The following UBN2 variants were observed in gnomAD, a reference collection of about 807,000 sequenced individuals.
The protein encoded by UBN2 is ubinuclein 2.
A neutral mutation model predicts 120.2 loss-of-function variants in UBN2; 35 were observed. That is an observed-to-expected ratio of 0.29 (90% CI 0.22 to 0.39). The LOEUF (loss-of-function observed/expected upper bound fraction) is 0.39, where lower values mean the gene tolerates loss of function less well. Among genes scored for constraint, UBN2 ranks in the 10% least tolerant of loss-of-function variants. The probability of loss-of-function intolerance (pLI) is 1.00; values close to 1 mark genes in which losing one functional copy is unlikely to be tolerated. For missense variants in UBN2, 1,693 were observed against 1,663.2 expected (o/e 1.02, Z -0.31); for synonymous variants, 661 against 648.7 (o/e 1.02, Z -0.29).
intron 3 of UBN2, among the ~76,000 whole-genome samples, chr7:139,252,869 T>C (rs1242365442): frequency 6.6e-6 from 1 of 152,212 alleles, no homozygotes; most frequent in Non-Finnish European, 1.5e-5. Context: ...AGAATATTAG[T>C]ACACTTGTCT....
chr7:139,283,969 A>T lies in UBN2; in HGVS notation c.3064A>T (p.Ile1022Phe), dbSNP rs1189635719. 2.5e-6 allele frequency: 4 copies of T among 1,613,562 alleles called. No individual in the cohort carries two copies. Among genetic ancestry groups the T allele is most frequent in the Admixed American group, 3.3e-5 (2 of 59,930 alleles). ...TTTAGCCAAGGCTATGGTGTCACAGATCTCCACGCAGGGTTTCAAATCTCC... is the reference window on the plus strand; with the variant it reads ...TTTAGCCAAGGCTATGGTGTCACAGTTCTCCACGCAGGGTTTCAAATCTCC... ...NYLAKAMVSQISTQGFKSPFS... is the reference protein window; with the variant it reads ...NYLAKAMVSQFSTQGFKSPFS... The change falls in exon 15 of 18, where the codon ATC becomes TTC. Residue 1022 changes from isoleucine to phenylalanine, a missense_variant. Ile to Phe is a conservative substitution (Grantham distance 21). Around this residue, in one of 5 missense-constraint regions of UBN2, gnomAD observed 837 missense variants for 817.6 expected, o/e 1.02. Transcript: ENST00000473989.
the UBN2 span, among the ~76,000 whole-genome samples, chr7:139,322,881 C>T: frequency 3.3e-5 from 5 of 152,132 alleles, no homozygotes; most frequent in African/African-American, 1.2e-4. Context: ...CCTTCTGTGT[C>T]CTGGAAAGGC....
At chr7:139,258,167 G>A (rs1008417344) in intron 3 of UBN2, among the ~76,000 whole-genome samples, 2 of 152,180 alleles carry the variant, frequency 1.3e-5, no homozygotes, top group African/African-American at 4.8e-5. Context: ...TTTCTCATCA[G>A]AACCATTTGT....
At chr7:139,236,175 A>C (rs2130925976) in intron 1 of UBN2, among the ~76,000 whole-genome samples, 1 of 152,250 alleles carries the variant, frequency 6.6e-6, no homozygotes, top group South Asian at 2.1e-4. Flanking sequence ...TGTTTTGTTA[A>C]ATAGATGGTT....
chr7:139,246,541 C>G (rs1359611755), intron 2 of UBN2, among the ~76,000 whole-genome samples: 2 of 152,186 alleles, frequency 1.3e-5, no homozygotes, highest in East Asian at 3.8e-4. Flanking sequence ...TTATGAGAGA[C>G]TTTTGAAATA....
chr7:139,304,739 GTC>G lies in UBN2; in HGVS notation c.*6905_*6906del. The G allele has an allele frequency of 6.6e-6, 1 of 151,986 alleles. No homozygotes were observed. The highest frequency in any genetic ancestry group is 1.5e-5 in the Non-Finnish European group (1 of 68,082). 9.4% of individuals were successfully genotyped at this position (151,986 alleles called of 1,614,324 possible). A position where few individuals can be genotyped will look rare whatever the true frequency, so the allele number is the denominator to read the frequency against. On this transcript the variant is annotated 3_prime_UTR_variant, in exon 18 of 18. Coordinates refer to ENST00000473989, the MANE Select transcript of UBN2 (RefSeq NM_173569.4). ...TGTGTGTGTGTGTGTGTGTGTGTGTGTCTGTAAGTCACTTTTTGGATTTTTGT... is the reference window on the plus strand; with the variant it reads ...TGTGTGTGTGTGTGTGTGTGTGTGTGTGTAAGTCACTTTTTGGATTTTTGT...
In UBN2 at chr7:139,293,272, T is replaced by C; in HGVS notation, c.3710T>C (p.Leu1237Pro). The change falls in exon 16 of 18, where the codon CTG (leucine) becomes CCG (proline). Residue 1237 changes from leucine (L) to proline (P), a missense_variant. By Grantham distance (98) the Leu-to-Pro change is moderately conservative (BLOSUM62 -3). Transcript: ENST00000473989. ...TCATTATTGGCTAATGCCTCACCTC[T>C]GACTCTCATGACATCACCTTTGTCT... ...GASLLANASP[L>P]TLMTSPLSVT... 6.2e-7 allele frequency: 1 copy of C among 1,614,256 alleles called. No homozygotes were observed. Among genetic ancestry groups the C allele is most frequent in the Non-Finnish European group, 8.5e-7 (1 of 1,180,038 alleles).
chr7:139,309,457 C>G (rs145047262), downstream of UBN2, among the ~76,000 whole-genome samples: 1 of 152,108 alleles, frequency 6.6e-6, no homozygotes, highest in Non-Finnish European at 1.5e-5. Context: ...TTTGCCAAAA[C>G]GAGAAAACCC....
At chr7:139,286,257 T>G (rs1428995560) in intron 15 of UBN2, among the ~76,000 whole-genome samples, 1 of 151,916 alleles carries the variant, frequency 6.6e-6, no homozygotes, top group Non-Finnish European at 1.5e-5. Context: ...AGAGATGGGG[T>G]TTTACCATGT....
chr7:139,252,690 T>G (rs149585618), intron 3 of UBN2, among the ~76,000 whole-genome samples: 15 of 152,134 alleles, frequency 9.9e-5, no homozygotes, highest in Non-Finnish European at 1.6e-4. Flanking sequence ...AAAGAATCTC[T>G]TGGGATTCTC....
chr7:139,275,706 C>G (rs1302990936), intron 11 of UBN2, among the ~76,000 whole-genome samples: 1 of 152,178 alleles, frequency 6.6e-6, no homozygotes, highest in Non-Finnish European at 1.5e-5. Context: ...TAGCTCACCC[C>G]TATAATCTCA....
rs977845975 is a variant in UBN2 at position 139,231,608 on chromosome 7, C to T, written c.124C>T (p.Pro42Ser). 8.1e-6 allele frequency: 11 copies of T among 1,355,034 alleles called. No individual in the cohort carries two copies. In the African/African-American group the frequency reaches 1.2e-4, roughly 15 times the overall value. The allele number at this position is 1,355,034 out of a possible 1,614,324, so 83.9% of individuals were successfully genotyped here. ...PREPPRLEPQ[P>S]YREPARAEPP... ...CGAGCCCCCCCGGCTGGAGCCGCAG[C>T]CGTACCGCGAGCCGGCCCGGGCGGA... The change falls in exon 1 of 18, where the codon CCG becomes TCG. Residue 42 changes from proline to serine, a missense_variant. Coordinates refer to ENST00000473989, the MANE Select transcript of UBN2 (RefSeq NM_173569.4).
Position 139,231,769 on chromosome 7 carries a change from G to A in UBN2, c.285G>A (p.Pro95=). 8.0e-7 allele frequency: 1 copy of A among 1,254,582 alleles called. No homozygotes were observed. Among genetic ancestry groups the A allele is most frequent in the East Asian group, 3.4e-5 (1 of 29,432 alleles). 77.7% of individuals were successfully genotyped at this position (1,254,582 alleles called of 1,614,324 possible). A position where few individuals can be genotyped will look rare whatever the true frequency, so the allele number is the denominator to read the frequency against. Residue 95 remains proline, a synonymous_variant, in exon 1 of 18, where the codon CCG becomes CCA. Transcript: ENST00000473989. ...AGCGGGAGCCCCCGCGGCCCGAGCC[G>A]CCGCCGCCGTTCCCGCCGCTGCCCT... ...SLQREPPRPE[P]PPPFPPLPLQ...
chr7:139,259,226 T>C lies in UBN2; in HGVS notation c.802-41T>C, dbSNP rs750185677. 23 of 1,604,850 alleles carry C rather than the reference T, an allele frequency of 1.4e-5. No homozygotes were observed. In the African/African-American group the frequency reaches 2.2e-4, roughly 15 times the overall value. On this transcript the variant is annotated intron_variant, in intron 4 of 17. Coordinates refer to ENST00000473989, the MANE Select transcript of UBN2 (RefSeq NM_173569.4). Reference sequence around the variant, plus strand: ...ATTGCTAACATCAAAGAGTAAAGCATTGTTACTTACATAAATGATCATTCT... The same window carrying C: ...ATTGCTAACATCAAAGAGTAAAGCACTGTTACTTACATAAATGATCATTCT...
chr7:139,322,293 A>G, the UBN2 span, among the ~76,000 whole-genome samples: 1 of 152,112 alleles, frequency 6.6e-6, no homozygotes, highest in Non-Finnish European at 1.5e-5. Flanking sequence ...TTTTAAGTAA[A>G]ATAAACAAAC....
chr7:139,282,119 T>G (rs1797631370), intron 14 of UBN2, 64 bp downstream of exon 14: 1 of 1,477,646 alleles, frequency 6.8e-7, no homozygotes, highest in African/African-American at 1.4e-5. Context: ...TGGGTTTGTT[T>G]AAGAAACTAA....
intron 1 of UBN2, among the ~76,000 whole-genome samples, chr7:139,233,257 A>G (rs575986235): frequency 6.6e-6 from 1 of 152,296 alleles, no homozygotes; most frequent in East Asian, 1.9e-4. Context: ...TCCACCTAAC[A>G]TTTTGCTCGT....
chr7:139,263,257 G>T (rs984421183), intron 6 of UBN2, among the ~76,000 whole-genome samples: 17 of 152,260 alleles, frequency 1.1e-4, no homozygotes, highest in South Asian at 6.2e-4. Context: ...TGAAAGAAGG[G>T]TGTGTATGCT....
chr7:139,233,915 A>G (rs934279852), intron 1 of UBN2, among the ~76,000 whole-genome samples: 6 of 151,998 alleles, frequency 3.9e-5, no homozygotes, highest in African/African-American at 9.7e-5. Context: ...ATAGGTGTCT[A>G]TTGGCCCAAT....
Sources: gnomAD v4.1 joint callset for allele counts (sites outside exome capture counted in the v4.1 genomes callset) on GRCh38, gnomAD v4.1.1 for gene constraint, gnomAD v4.1.1 regional missense constraint, MANE v1.5 for transcripts, NCBI Gene and HGNC (gene_info 2026-07-23, HGNC 2026-07-21) for gene names.